Variants in PIK3C2G observed in about 807,000 individuals in gnomAD.
The protein encoded by PIK3C2G is phosphatidylinositol 3-kinase C2 domain-containing subunit gamma.
In PIK3C2G, 168 loss-of-function variants were observed where a neutral mutation model predicts 181.1. The ratio of observed to expected loss-of-function variants is 0.93; its 90% CI spans 0.82 to 1.05. The LOEUF is 1.05. Ranked by LOEUF, PIK3C2G falls within the 50% of genes least tolerant of loss-of-function variation. The pLI, the probability that PIK3C2G is intolerant of heterozygous loss-of-function variation, is 0.00. For missense variants in PIK3C2G, 1,869 were observed against 1,732.8 expected (o/e 1.08, Z -1.40); for synonymous variants, 573 against 592.2 (o/e 0.97, Z 0.47).
At chr12:18,354,490 G>A (rs1195240164) in intron 11 of PIK3C2G, among the ~76,000 whole-genome samples, 3 of 152,200 alleles carry the variant, frequency 2.0e-5, no homozygotes, top group African/African-American at 2.4e-5. Flanking sequence ...AGGAGGGATG[G>A]ATCAATCCTA....
intron 5 of PIK3C2G, among the ~76,000 whole-genome samples, chr12:18,299,723 G>T (rs546732438): frequency 1.1e-4 from 17 of 151,944 alleles, no homozygotes; most frequent in African/African-American, 3.6e-4. Flanking sequence ...TACCTAGTTT[G>T]TTGAGCGTTT....
intron 24 of PIK3C2G, among the ~76,000 whole-genome samples, chr12:18,511,627 T>C (rs1172685592): frequency 1.3e-5 from 2 of 152,086 alleles, no homozygotes; most frequent in Non-Finnish European, 2.9e-5. Context: ...TTTTGAGAAA[T>C]GTCTATTTAG....
the PIK3C2G span, chr12:18,701,570 T>C: frequency 6.2e-7 from 1 of 1,613,864 alleles, no homozygotes; most frequent in Non-Finnish European, 8.5e-7. Context: ...GATTGTCTCC[T>C]AAAACAGATT....
chr12:18,607,214 A>T (rs773888035), intron 30 of PIK3C2G: 2 of 513,780 alleles, frequency 3.9e-6, no homozygotes, highest in South Asian at 2.8e-5. Flanking sequence ...GGTTAACAAA[A>T]TGATTTTAAT....
intron 12 of PIK3C2G, among the ~76,000 whole-genome samples, chr12:18,363,745 A>G (rs1243776016): frequency 6.6e-6 from 1 of 152,076 alleles, no homozygotes; most frequent in Non-Finnish European, 1.5e-5. Context: ...TACGTGTCAG[A>G]ATTTGTAGAA....
At chr12:18,569,654 A>G (rs1440986247) in intron 29 of PIK3C2G, among the ~76,000 whole-genome samples, 1 of 152,064 alleles carries the variant, frequency 6.6e-6, no homozygotes, top group Non-Finnish European at 1.5e-5. Flanking sequence ...GAATTTCCAG[A>G]TTGTAGGATA....
chr12:18,389,149 G>A (rs1373501334), intron 14 of PIK3C2G, among the ~76,000 whole-genome samples: 1 of 152,054 alleles, frequency 6.6e-6, no homozygotes, highest in Non-Finnish European at 1.5e-5. Flanking sequence ...TCAGGAGATC[G>A]AGTCCATCCT....
intron 32 of PIK3C2G, among the ~76,000 whole-genome samples, chr12:18,643,120 T>C (rs1949926065): frequency 6.6e-6 from 1 of 152,116 alleles, no homozygotes; most frequent in Non-Finnish European, 1.5e-5. Flanking sequence ...ACTTGTGTTT[T>C]ATTTCAAGCT....
At chr12:18,485,261 G>C (rs907661331) in intron 18 of PIK3C2G, among the ~76,000 whole-genome samples, 1 of 152,120 alleles carries the variant, frequency 6.6e-6, no homozygotes, top group Non-Finnish European at 1.5e-5. Flanking sequence ...TACTTTTCCT[G>C]TGGCTCTAGC....
At chr12:18,446,527 A>G (rs748793080) in intron 18 of PIK3C2G, among the ~76,000 whole-genome samples, 27 of 151,988 alleles carry the variant, frequency 1.8e-4, no homozygotes, top group Admixed American at 1.3e-4. Flanking sequence ...ACTGGCCCCA[A>G]TGTACCACCC....
chr12:18,454,135 A>T (rs944162965), intron 18 of PIK3C2G, among the ~76,000 whole-genome samples: 1 of 152,190 alleles, frequency 6.6e-6, no homozygotes, highest in Non-Finnish European at 1.5e-5. Context: ...AATGCCTACT[A>T]TATGTTAAGC....
the PIK3C2G span, among the ~76,000 whole-genome samples, chr12:18,664,092 GACAA>G: frequency 3.3e-5 from 5 of 152,010 alleles, no homozygotes; most frequent in South Asian, 2.1e-4. Flanking sequence ...AACCAAACCA[GACAA>G]ACAAACAAAG....
chr12:18,385,695 A>G (rs1418602164), intron 14 of PIK3C2G, among the ~76,000 whole-genome samples: 3 of 151,990 alleles, frequency 2.0e-5, no homozygotes, highest in Non-Finnish European at 4.4e-5. Context: ...CAGCCTCCCA[A>G]GTAGCTGGGA....
chr12:18,353,231 C>T (rs1394126507), intron 11 of PIK3C2G, among the ~76,000 whole-genome samples: 1 of 152,052 alleles, frequency 6.6e-6, no homozygotes, highest in Non-Finnish European at 1.5e-5. Context: ...TAAAGTTTAC[C>T]TAAGGGTCCC....
intron 18 of PIK3C2G, among the ~76,000 whole-genome samples, chr12:18,438,159 C>A (rs1946547590): frequency 6.6e-6 from 1 of 151,754 alleles, no homozygotes; most frequent in African/African-American, 2.4e-5. Flanking sequence ...ATTTTCAAGT[C>A]TTCCTTGACT....
chr12:18,296,346 G>A (rs1043784751), intron 5 of PIK3C2G, among the ~76,000 whole-genome samples: 4 of 152,028 alleles, frequency 2.6e-5, no homozygotes, highest in African/African-American at 7.2e-5. Flanking sequence ...ATTTCAGTTC[G>A]TCTGGGTGAG....
At chr12:18,603,208 T>C (rs940282525) in intron 30 of PIK3C2G, among the ~76,000 whole-genome samples, 4 of 152,100 alleles carry the variant, frequency 2.6e-5, no homozygotes, top group Non-Finnish European at 1.5e-5. Flanking sequence ...TCAGACACAT[T>C]TTTAGAAATG....
intron 16 of PIK3C2G, among the ~76,000 whole-genome samples, chr12:18,418,219 A>G (rs1431934362): frequency 6.6e-6 from 1 of 152,200 alleles, no homozygotes; most frequent in Non-Finnish European, 1.5e-5. Flanking sequence ...GGAGTCAACC[A>G]GTCAATATCC....
chr12:18,716,322 C>T, the PIK3C2G span, among the ~76,000 whole-genome samples: 9 of 152,048 alleles, frequency 5.9e-5, no homozygotes, highest in Non-Finnish European at 1.3e-4. Context: ...TGCTACTTCT[C>T]TAGATAGTTT....
Sources: gnomAD v4.1 joint callset for allele counts (sites outside exome capture counted in the v4.1 genomes callset) on GRCh38, gnomAD v4.1.1 for gene constraint, MANE v1.5 for transcripts, NCBI Gene and HGNC (gene_info 2026-07-23, HGNC 2026-07-21) for gene names.